Variants in PIBF1 observed in about 807,000 individuals in gnomAD.
The protein encoded by PIBF1 is progesterone-induced-blocking factor 1.
In PIBF1, 90 loss-of-function variants were observed where a neutral mutation model predicts 112.5. The ratio of observed to expected loss-of-function variants is 0.80; its 90% CI spans 0.67 to 0.95. The LOEUF is 0.95. PIBF1 is among the 40% of genes least tolerant of loss of function. PIBF1 has a pLI of 0.00. For missense variants in PIBF1, 915 were observed against 852.3 expected, an observed-to-expected ratio of 1.07 and a Z score of -0.92; for synonymous variants, 301 against 288.6, an observed-to-expected ratio of 1.04 and a Z score of -0.44.
intron 10 of PIBF1, among the ~76,000 whole-genome samples, chr13:72,868,612 A>G (rs888787952): frequency 3.3e-5 from 5 of 152,166 alleles, no homozygotes; most frequent in Non-Finnish European, 7.3e-5. Flanking sequence ...TAAGCCATAC[A>G]TTTGATTAAG....
chr13:72,963,829 A>G (rs771367061), intron 14 of PIBF1, among the ~76,000 whole-genome samples: 1 of 152,206 alleles, frequency 6.6e-6, no homozygotes, highest in Non-Finnish European at 1.5e-5. Context: ...TGCACATGAA[A>G]TAATGTGCTT....
chr13:72,927,373 G>T (rs963905849), intron 13 of PIBF1, among the ~76,000 whole-genome samples: 1 of 152,114 alleles, frequency 6.6e-6, no homozygotes, highest in Admixed American at 6.5e-5. Flanking sequence ...GCCTAGTGGC[G>T]GGCACCTGTG....
intron 10 of PIBF1, among the ~76,000 whole-genome samples, chr13:72,869,065 T>G (rs1042759782): frequency 6.6e-6 from 1 of 152,132 alleles, no homozygotes; most frequent in Non-Finnish European, 1.5e-5. Context: ...TGGCGATTCC[T>G]CAGGGATCTA....
chr13:72,831,129 T>C (rs1454596158), intron 8 of PIBF1, among the ~76,000 whole-genome samples: 1 of 152,172 alleles, frequency 6.6e-6, no homozygotes, highest in Non-Finnish European at 1.5e-5. Context: ...TTATCATTTT[T>C]TATTGTGTCT....
chr13:72,975,731 C>A (rs961247457), intron 16 of PIBF1, among the ~76,000 whole-genome samples: 1 of 152,142 alleles, frequency 6.6e-6, no homozygotes, highest in Non-Finnish European at 1.5e-5. Context: ...CTTCTGAGTT[C>A]GGACATTCTA....
chr13:72,938,908 T>A (rs760248521), intron 14 of PIBF1, among the ~76,000 whole-genome samples: 1 of 152,236 alleles, frequency 6.6e-6, no homozygotes. Context: ...TGCATTTCTC[T>A]AATTAGGTTA....
At chr13:72,893,989 G>A (rs780781626) in intron 11 of PIBF1, 40 bp downstream of exon 11, 10 of 1,088,844 alleles carry the variant, frequency 9.2e-6, no homozygotes, top group Non-Finnish European at 1.2e-5. Flanking sequence ...AGCATGGCAT[G>A]TAAACTCCCT....
At chr13:72,874,500 C>T (rs1039988967) in intron 10 of PIBF1, among the ~76,000 whole-genome samples, 3 of 152,028 alleles carry the variant, frequency 2.0e-5, no homozygotes, top group Non-Finnish European at 4.4e-5. Context: ...GTGTTTGATT[C>T]CATTTATGTG....
chr13:72,890,089 A>G (rs773262804), intron 10 of PIBF1, among the ~76,000 whole-genome samples: 4 of 152,214 alleles, frequency 2.6e-5, no homozygotes, highest in Admixed American at 6.5e-5. Flanking sequence ...ATCAGAGTCT[A>G]ACAAGTAAAA....
Position 72,927,948 on chromosome 13 carries a change from TATATATATATACAC to T in PIBF1, c.1731-3205_1731-3192del, listed in dbSNP as rs1287003261. On this transcript the variant is annotated intron_variant, in intron 13 of 17. Transcript: ENST00000326291. ...ATACCATTTCTAATATATGTGTGTATATATATATATACACATATATATATATATACATATATATA... is the reference window on the plus strand; with the variant it reads ...ATACCATTTCTAATATATGTGTGTATATATATATATATATACATATATATA... Among the ~76,000 whole-genome samples the T allele has an allele frequency of 2.4e-3, 160 of 65,544 alleles. 1 individual carries two copies. The highest frequency in any genetic ancestry group is 0.014 in the South Asian group (22 of 1,524). 43.0% of individuals were successfully genotyped at this position (65,544 alleles called of 152,430 possible). A position where few individuals can be genotyped will look rare whatever the true frequency, so the allele number is the denominator to read the frequency against.
At chr13:72,957,131 C>T (rs1202127536) in intron 14 of PIBF1, among the ~76,000 whole-genome samples, 3 of 152,120 alleles carry the variant, frequency 2.0e-5, no homozygotes, top group African/African-American at 7.2e-5. Context: ...AAAAGTAGAT[C>T]TACCATTTGA....
intron 5 of PIBF1, among the ~76,000 whole-genome samples, chr13:72,810,322 T>A (rs948352360): frequency 1.3e-5 from 2 of 152,238 alleles, no homozygotes; most frequent in African/African-American, 4.8e-5. Context: ...AGATACAGTG[T>A]AAGGCATTAG....
At chr13:72,951,546 G>T (rs943177487) in intron 14 of PIBF1, among the ~76,000 whole-genome samples, 1 of 152,084 alleles carries the variant, frequency 6.6e-6, no homozygotes, top group Non-Finnish European at 1.5e-5. Context: ...AAAAGGTAAC[G>T]TTTAAAAATA....
At chr13:72,922,545 C>G (rs2041334603) in intron 13 of PIBF1, among the ~76,000 whole-genome samples, 1 of 152,154 alleles carries the variant, frequency 6.6e-6, no homozygotes, top group Admixed American at 6.5e-5. Flanking sequence ...TTTGGCTAAT[C>G]TGAATGTGGA....
chr13:72,934,447 G>A (rs529082275), intron 14 of PIBF1, among the ~76,000 whole-genome samples: 14 of 152,136 alleles, frequency 9.2e-5, no homozygotes, highest in Admixed American at 4.6e-4. Flanking sequence ...ACAGGTGCAC[G>A]CCACCACGCT....
intron 10 of PIBF1, among the ~76,000 whole-genome samples, chr13:72,874,042 A>G (rs956931931): frequency 1.3e-5 from 2 of 152,204 alleles, no homozygotes; most frequent in Non-Finnish European, 2.9e-5. Flanking sequence ...ACCAAAATTC[A>G]TTACCACTAC....
intron 14 of PIBF1, among the ~76,000 whole-genome samples, chr13:72,940,210 A>G (rs112148443): frequency 2.0e-5 from 3 of 151,978 alleles, no homozygotes; most frequent in African/African-American, 7.2e-5. Flanking sequence ...AGTTTTTTTC[A>G]GTCTTTTTTC....
intron 17 of PIBF1, among the ~76,000 whole-genome samples, chr13:73,008,709 G>A (rs571472241): frequency 6.6e-6 from 1 of 152,314 alleles, no homozygotes; most frequent in South Asian, 2.1e-4. Flanking sequence ...AGGTAACTGA[G>A]AAGTCCTCGA....
chr13:72,945,523 C>T (rs1346259173), intron 14 of PIBF1, among the ~76,000 whole-genome samples: 4 of 152,174 alleles, frequency 2.6e-5, no homozygotes, highest in Non-Finnish European at 5.9e-5. Flanking sequence ...CAAGCATTCC[C>T]TTTTCTCCTC....
Sources: gnomAD v4.1 joint callset for allele counts (sites outside exome capture counted in the v4.1 genomes callset) on GRCh38, gnomAD v4.1.1 for gene constraint, MANE v1.5 for transcripts, NCBI Gene and HGNC (gene_info 2026-07-23, HGNC 2026-07-21) for gene names.